The following MAML1 variants were observed in gnomAD, a reference collection of about 807,000 sequenced individuals.
The protein encoded by MAML1 is mastermind-like protein 1.
In MAML1, 14 loss-of-function variants were observed where a neutral mutation model predicts 77.1. The ratio of observed to expected loss-of-function variants is 0.18; its 90% CI spans 0.12 to 0.28. The LOEUF (loss-of-function observed/expected upper bound fraction) is 0.28, where lower values mean the gene tolerates loss of function less well. MAML1 is among the 10% of genes least tolerant of loss of function. The probability of loss-of-function intolerance (pLI) is 1.00; values close to 1 mark genes in which losing one functional copy is unlikely to be tolerated. For synonymous variants in MAML1, 516 were observed against 551.9 expected (o/e 0.93, Z 0.91); for missense variants, 1,217 against 1,327.8 (o/e 0.92, Z 1.30).
chr5:179,765,238 A>G, intron 1 of MAML1, 88 bp from the exon 2 acceptor site: 4 of 1,139,822 alleles, frequency 3.5e-6, no homozygotes, highest in Non-Finnish European at 3.8e-6. Context: ...ACTGGCGAGC[A>G]TTGCAGGGAC....
intron 1 of MAML1, among the ~76,000 whole-genome samples, chr5:179,738,742 G>A (rs574309081): frequency 6.6e-6 from 1 of 151,286 alleles, no homozygotes; most frequent in East Asian, 1.9e-4. Context: ...AGTTGCCTCC[G>A]TAAAGGACAC....
At chr5:179,773,129 C>T (rs994537047) in intron 4 of MAML1, among the ~76,000 whole-genome samples, 1 of 152,158 alleles carries the variant, frequency 6.6e-6, no homozygotes, top group Non-Finnish European at 1.5e-5. Flanking sequence ...GTGATTCGCC[C>T]GCCTCGGTCT....
intron 1 of MAML1, among the ~76,000 whole-genome samples, chr5:179,735,965 C>T (rs182697769): frequency 1.6e-4 from 25 of 152,022 alleles, no homozygotes; most frequent in Admixed American, 1.4e-3. Context: ...GGATTACAGG[C>T]GTGAGCCACC....
At chr5:179,752,600 T>TC in intron 1 of MAML1, among the ~76,000 whole-genome samples, 2 of 72,840 alleles carry the variant, frequency 2.7e-5, no homozygotes, top group Non-Finnish European at 6.7e-5. Flanking sequence ...TAGATACTCT[T>TC]TTTTTTTTTT....
intron 1 of MAML1, among the ~76,000 whole-genome samples, chr5:179,744,987 T>C (rs1368585860): frequency 2.0e-5 from 3 of 151,826 alleles, no homozygotes; most frequent in African/African-American, 4.8e-5. Flanking sequence ...CTGCAAGCTC[T>C]GCCTCCCGTG....
At position 179,771,621 on chromosome 5, in the gene MAML1, T is replaced by C. The variant is rs750115508; in HGVS notation, c.2068+378T>C. Among the ~76,000 whole-genome samples, 1 of 152,244 alleles carries C rather than the reference T, an allele frequency of 6.6e-6. No individual in the cohort carries two copies. The highest frequency in any genetic ancestry group is 1.5e-5 in the Non-Finnish European group (1 of 68,046). ...TCTTCCAGATAAGGACTTAATGCAC[T>C]TGCGTGGCCTTTGGCTTCTTTCTCT... On this transcript the variant is annotated intron_variant, in intron 4 of 4. Transcript: ENST00000292599. This position sits in a 1 kb window ranked among gnomAD's most constrained non-coding sequence, Gnocchi z 4.7.
At chr5:179,764,995 ATGTGTGTG>A (rs34922506) in intron 1 of MAML1, among the ~76,000 whole-genome samples, 7 of 147,592 alleles carry the variant, frequency 4.7e-5, no homozygotes, top group South Asian at 2.2e-4. Context: ...TAATATATAT[ATGTGTGTG>A]TGTGTGTGTG....
At chr5:179,736,966 A>G (rs1230137984) in intron 1 of MAML1, among the ~76,000 whole-genome samples, 1 of 130,676 alleles carries the variant, frequency 7.7e-6, no homozygotes, top group Non-Finnish European at 1.6e-5. Context: ...GTCTCAAATT[A>G]AAAAAAAAAA....
At chr5:179,773,041 C>G (rs915881136) in intron 4 of MAML1, among the ~76,000 whole-genome samples, 6 of 152,202 alleles carry the variant, frequency 3.9e-5, no homozygotes, top group Non-Finnish European at 8.8e-5. Flanking sequence ...CGCGCCGCCA[C>G]GCCTGGCTAA....
intron 1 of MAML1, among the ~76,000 whole-genome samples, chr5:179,743,020 G>A (rs955827071): frequency 1.4e-5 from 2 of 144,678 alleles, no homozygotes; most frequent in Non-Finnish European, 3.0e-5. Flanking sequence ...ACAAAATAAT[G>A]TTGAAATACT....
intron 1 of MAML1, among the ~76,000 whole-genome samples, chr5:179,740,446 T>A: frequency 6.6e-6 from 1 of 151,982 alleles, no homozygotes; most frequent in East Asian, 1.9e-4. Context: ...AATTTTTTTG[T>A]ATTTTTTTTT....
At chr5:179,750,067 A>C (rs754102268) in intron 1 of MAML1, among the ~76,000 whole-genome samples, 1 of 152,248 alleles carries the variant, frequency 6.6e-6, no homozygotes, top group Non-Finnish European at 1.5e-5. Context: ...TCCATCCAGC[A>C]GGGGCAGTGC....
Position 179,766,065 on chromosome 5 carries a change from G to A in MAML1, c.1055G>A (p.Gly352Asp). The change falls in exon 2 of 5, where the codon GGT (glycine) becomes GAT (aspartate). Residue 352 changes from glycine (G) to aspartate (D), a missense_variant. Transcript: ENST00000292599. The surrounding 1 kb of genome is among the most constrained non-coding windows in gnomAD (Gnocchi z 4.0). ...GGSQTLFHTS[G>D]QPRADNPSPN... ...TCCCAAACCTTATTCCACACCTCTG[G>A]TCAGCCCCGGGCGGACAATCCCAGT... The A allele has an allele frequency of 6.3e-7, 1 of 1,589,316 alleles. No individual in the cohort carries two copies. The highest frequency in any genetic ancestry group is 8.6e-7 in the Non-Finnish European group (1 of 1,168,994).
rs1420993494 is a variant in MAML1, at chr5:179,765,389, C to G, written c.379C>G (p.Gln127Glu). ...CACTTCCCCTCAGAATGGCGATCAA[C>G]AGAATGGCTACGGGGACCTCTTTCC... ...SATSPQNGDQQNGYGDLFPGH... is the reference protein window; with the variant it reads ...SATSPQNGDQENGYGDLFPGH... The change falls in exon 2 of 5, where the codon CAG becomes GAG. Residue 127 changes from glutamine (Q) to glutamate (E), a missense_variant. Physicochemically the swap from Gln to Glu is conservative, Grantham distance 29. Coordinates refer to ENST00000292599, the MANE Select transcript of MAML1 (RefSeq NM_014757.5). 1.9e-6 allele frequency: 3 copies of G among 1,613,418 alleles called. No individual in the cohort carries two copies. In the African/African-American group the frequency reaches 4.0e-5, roughly 22 times the overall value.
rs1779808180 is a variant in MAML1 at position 179,765,896 on chromosome 5, A to G, written c.886A>G (p.Ile296Val). Residue 296 changes from isoleucine (I) to valine (V), a missense_variant, in exon 2 of 5, where the codon ATT (isoleucine) becomes GTT (valine). Ile to Val is a conservative substitution (Grantham distance 29). Coordinates refer to ENST00000292599, the MANE Select transcript of MAML1 (RefSeq NM_014757.5). Reference protein sequence around the residue: ...SATQTPLAQDINIKTEFSPAA... With the variant: ...SATQTPLAQDVNIKTEFSPAA... Reference sequence around the variant, plus strand: ...CACACAAACCCCCTTGGCACAGGACATTAATATTAAGACGGAATTCTCTCC... The same window carrying G: ...CACACAAACCCCCTTGGCACAGGACGTTAATATTAAGACGGAATTCTCTCC... 6.2e-7 allele frequency: 1 copy of G among 1,614,094 alleles called. No homozygotes were observed. Among genetic ancestry groups the G allele is most frequent in the Non-Finnish European group, 8.5e-7 (1 of 1,180,010 alleles).
intron 1 of MAML1, among the ~76,000 whole-genome samples, chr5:179,764,646 G>A (rs1779779231): frequency 1.3e-5 from 2 of 149,212 alleles, no homozygotes; most frequent in South Asian, 4.2e-4. Context: ...GGCAACAAGA[G>A]CGAAACTCTG....
At chr5:179,748,772 A>G (rs1269904749) in intron 1 of MAML1, among the ~76,000 whole-genome samples, 3 of 152,182 alleles carry the variant, frequency 2.0e-5, no homozygotes, top group African/African-American at 7.2e-5. Context: ...TCTGGATGGG[A>G]GGGTACCAGG....
At chr5:179,752,473 C>T (rs1450444159) in intron 1 of MAML1, among the ~76,000 whole-genome samples, 2 of 143,430 alleles carry the variant, frequency 1.4e-5, no homozygotes, top group African/African-American at 5.1e-5. Context: ...AAATTGGCAC[C>T]ATCTGTTTCT....
intron 1 of MAML1, among the ~76,000 whole-genome samples, chr5:179,759,739 G>GT (rs1250786090): frequency 6.6e-6 from 1 of 152,254 alleles, no homozygotes; most frequent in Non-Finnish European, 1.5e-5. Context: ...TTCTGATGTT[G>GT]TAAGTCCTAC....
Sources: allele counts gnomAD v4.1 joint callset (sites outside exome capture counted in the v4.1 genomes callset), GRCh38; gene constraint gnomAD v4.1.1; non-coding constraint Gnocchi (gnomAD v3.1); transcripts MANE v1.5; gene names NCBI Gene and HGNC (gene_info 2026-07-23, HGNC 2026-07-21).